Variants in C3orf20 observed in about 807,000 individuals in gnomAD.
C3orf20 encodes uncharacterized protein C3orf20.
A neutral mutation model predicts 88.3 loss-of-function variants in C3orf20; 76 were observed. The observed-to-expected ratio is 0.86, with a 90% confidence interval of 0.72 to 1.04. C3orf20 has a LOEUF of 1.04. C3orf20 is among the 50% of genes least tolerant of loss of function. C3orf20 has a pLI of 0.00. For missense variants in C3orf20, 1,056 were observed against 1,123.3 expected, an observed-to-expected ratio of 0.94 and a Z score of 0.86; for synonymous variants, 436 against 437.4, an observed-to-expected ratio of 1.00 and a Z score of 0.04.
At position 14,772,279 on chromosome 3, in the gene C3orf20, C is replaced by CACT; in HGVS notation, c.2630+81_2630+83dup. The stretch of plus-strand genomic sequence containing the variant: ...CGGGGCTATTTGGCCTTGGGCAAGT[C>CACT]ACTACCCCCAGGCGTGGCCTGGGTC... On this transcript the variant is annotated intron_variant, in intron 16 of 16. Transcript: ENST00000253697. The surrounding 1 kb of genome is among the most constrained non-coding windows in gnomAD (Gnocchi z 4.2). 2.5e-6 allele frequency: 4 copies of CACT among 1,576,778 alleles called. No individual in the cohort carries two copies. The highest frequency in any genetic ancestry group is 3.5e-6 in the Non-Finnish European group (4 of 1,150,346).
At position 14,690,013 on chromosome 3, in the gene C3orf20, G is replaced by T. The variant is rs1314337904; in HGVS notation, c.642G>T (p.Met214Ile). The change falls in exon 5 of 17, where the codon ATG (methionine) becomes ATT (isoleucine). Residue 214 changes from methionine to isoleucine, a missense_variant. By Grantham distance (10) the Met-to-Ile change is conservative (BLOSUM62 1). Transcript: ENST00000253697. ...GQLWKESLAN[M>I]SAIGVNSPYQ... ...CCACTCCAGAGTCCCTCGCAAACAT[G>T]TCCGCCATTGGGGTGAACTCGCCTT... 1.2e-6 allele frequency: 2 copies of T among 1,614,136 alleles called. No individual in the cohort carries two copies. The highest frequency in any genetic ancestry group is 1.7e-6 in the Non-Finnish European group (2 of 1,180,026).
intron 12 of C3orf20, among the ~76,000 whole-genome samples, chr3:14,743,374 G>A (rs530402187): frequency 9.2e-5 from 14 of 151,996 alleles, no homozygotes; most frequent in Non-Finnish European, 1.9e-4. Context: ...GATGCAAGAG[G>A]TAAGTTCCCA....
chr3:14,683,195 C>T lies in C3orf20; in HGVS notation c.482C>T (p.Ser161Leu), dbSNP rs374897758. ...LKMKAMVESMSVGANPLDITR... is the reference protein window; with the variant it reads ...LKMKAMVESMLVGANPLDITR... ...ATGAAGGCCATGGTGGAGTCTATGT[C>T]GGGTAAGGCCCAGATGTTTGTGTAT... Residue 161 changes from serine to leucine, a missense_variant and splice_region_variant, in exon 3 of 17, where the codon TCG becomes TTG. Transcript: ENST00000253697. The T allele has an allele frequency of 1.1e-4, 179 of 1,573,536 alleles. No homozygotes were observed. The East Asian group carries it at 2.4e-3, about 21-fold the overall frequency.
At chr3:14,685,678 C>T (rs1442002770) in intron 4 of C3orf20, among the ~76,000 whole-genome samples, 1 of 152,068 alleles carries the variant, frequency 6.6e-6, no homozygotes. Flanking sequence ...CCCGCTGCCA[C>T]CCTCCAGTCC....
At chr3:14,767,800 C>T (rs1330747687) in intron 15 of C3orf20, among the ~76,000 whole-genome samples, 1 of 152,242 alleles carries the variant, frequency 6.6e-6, no homozygotes, top group African/African-American at 2.4e-5. Flanking sequence ...CCCTCACGGG[C>T]CTGCTCTCCA....
chr3:14,761,369 C>T, intron 14 of C3orf20, 104 bp from the exon 15 acceptor site: 1 of 1,345,438 alleles, frequency 7.4e-7, no homozygotes, highest in Non-Finnish European at 1.0e-6. Flanking sequence ...CTCTGAGAGG[C>T]CTGTGGCGCT....
chr3:14,683,941 C>T (rs2032253880), intron 3 of C3orf20, among the ~76,000 whole-genome samples: 1 of 151,410 alleles, frequency 6.6e-6, no homozygotes, highest in South Asian at 2.1e-4. Context: ...AGGATCAAGG[C>T]CAGGACCTAC....
At chr3:14,760,678 C>T (rs1241828329) in intron 14 of C3orf20, among the ~76,000 whole-genome samples, 3 of 137,446 alleles carry the variant, frequency 2.2e-5, no homozygotes, top group South Asian at 4.6e-4. Flanking sequence ...GGTGTAATCT[C>T]GGCTCACTGC....
chr3:14,752,363 T>G (rs1309582721), intron 12 of C3orf20, among the ~76,000 whole-genome samples: 2 of 152,040 alleles, frequency 1.3e-5, no homozygotes, highest in African/African-American at 4.8e-5. Flanking sequence ...ACGTAAGACC[T>G]AAAAACCATA....
At chr3:14,716,369 C>A (rs142308244) in intron 9 of C3orf20, among the ~76,000 whole-genome samples, 1 of 152,324 alleles carries the variant, frequency 6.6e-6, no homozygotes, top group African/African-American at 2.4e-5. Context: ...AGCATCCACT[C>A]AAGCTGGCCT....
intron 13 of C3orf20, 24 bp downstream of exon 13, chr3:14,757,698 G>A (rs765562247): frequency 6.3e-7 from 1 of 1,595,396 alleles, no homozygotes. Context: ...CAGTGAGGAG[G>A]CCCTGGAGGC....
At chr3:14,685,213 A>G (rs1204566787) in intron 4 of C3orf20, among the ~76,000 whole-genome samples, 1 of 152,032 alleles carries the variant, frequency 6.6e-6, no homozygotes, top group Non-Finnish European at 1.5e-5. Flanking sequence ...AGTATTAAGG[A>G]AAAAAAAGAG....
At chr3:14,703,348 T>A in intron 6 of C3orf20, 86 bp downstream of exon 6, 1 of 1,584,394 alleles carries the variant, frequency 6.3e-7, no homozygotes. Flanking sequence ...TATATGTGAG[T>A]GGACAGTCAC....
chr3:14,770,866 T>G, intron 15 of C3orf20, among the ~76,000 whole-genome samples: 1 of 152,234 alleles, frequency 6.6e-6, no homozygotes, highest in East Asian at 1.9e-4. Flanking sequence ...AGTTGCCTGC[T>G]TCCCAGGGCT....
Position 14,768,669 on chromosome 3 carries a change from G to A in C3orf20, c.2496-3398G>A, listed in dbSNP as rs1473599124. 6.6e-6 allele frequency among the ~76,000 whole-genome samples: 1 copy of A among 151,970 alleles called. No individual in the cohort carries two copies. The highest frequency in any genetic ancestry group is 1.9e-4 in the East Asian group (1 of 5,190). ...CTCTTTTCTGGACTGGGGCCTGAGGGGGCGCTGAGTAGAGAGAAATTACCT... is the reference window on the plus strand; with the variant it reads ...CTCTTTTCTGGACTGGGGCCTGAGGAGGCGCTGAGTAGAGAGAAATTACCT... On this transcript the variant is annotated intron_variant, in intron 15 of 16. Transcript: ENST00000253697. The surrounding 1 kb of genome is among the most constrained non-coding windows in gnomAD (Gnocchi z 4.1).
rs1463197486 is a variant in C3orf20 at position 14,773,028 on chromosome 3, A to C, written c.*153A>C. The C allele has an allele frequency of 1.6e-6, 1 of 642,324 alleles. No homozygotes were observed. The highest frequency in any genetic ancestry group is 2.8e-5 in the East Asian group (1 of 35,912). 39.8% of individuals were successfully genotyped at this position (642,324 alleles called of 1,614,324 possible). On this transcript the variant is annotated 3_prime_UTR_variant, in exon 17 of 17. Transcript: ENST00000253697. Reference sequence around the variant, plus strand: ...CCAGCATTGGGGTGAGGCTCTGGGGAAGGACAGACCCAGCTCATTCTGTCT... The same window carrying C: ...CCAGCATTGGGGTGAGGCTCTGGGGCAGGACAGACCCAGCTCATTCTGTCT...
intron 5 of C3orf20, among the ~76,000 whole-genome samples, chr3:14,700,854 CA>C (rs1273432605): frequency 6.6e-6 from 1 of 152,238 alleles, no homozygotes; most frequent in Non-Finnish European, 1.5e-5. Context: ...TCGGGGCCTC[CA>C]CCATCCATTC....
intron 4 of C3orf20, among the ~76,000 whole-genome samples, chr3:14,685,730 T>C (rs2032382131): frequency 6.6e-6 from 1 of 152,178 alleles, no homozygotes. Flanking sequence ...GAGTTTGAGT[T>C]TGACTTTTTT....
intron 12 of C3orf20, among the ~76,000 whole-genome samples, chr3:14,735,022 C>T (rs1246799224): frequency 6.6e-6 from 1 of 151,818 alleles, no homozygotes; most frequent in African/African-American, 2.4e-5. Context: ...GGTTATTTTT[C>T]ATAATATATC....
Sources: gnomAD v4.1 joint callset for allele counts (sites outside exome capture counted in the v4.1 genomes callset) on GRCh38, gnomAD v4.1.1 for gene constraint, Gnocchi (gnomAD v3.1) non-coding constraint, MANE v1.5 for transcripts, NCBI Gene and HGNC (gene_info 2026-07-23, HGNC 2026-07-21) for gene names.